The following LCORL variants were observed in gnomAD, a reference collection of about 807,000 sequenced individuals.
LCORL encodes the protein ligand-dependent nuclear receptor corepressor-like protein.
In LCORL, 41 loss-of-function variants were observed where a neutral mutation model predicts 141.8. The ratio of observed to expected loss-of-function variants is 0.29; its 90% confidence interval spans 0.23 to 0.38. The LOEUF is 0.38. Among genes scored for constraint, LCORL ranks in the 10% least tolerant of loss-of-function variants. The probability of loss-of-function intolerance (pLI) is 1.00; values close to 1 mark genes in which losing one functional copy is unlikely to be tolerated. For missense variants in LCORL, 1,759 were observed against 2,035.0 expected, an observed-to-expected ratio of 0.86 and a Z score of 2.61; for synonymous variants, 618 against 694.1, an observed-to-expected ratio of 0.89 and a Z score of 1.72.
At chr4:18,013,900 C>A (rs995316638) in intron 1 of LCORL, among the ~76,000 whole-genome samples, 1 of 151,960 alleles carries the variant, frequency 6.6e-6, no homozygotes, top group Non-Finnish European at 1.5e-5. Flanking sequence ...CTCCGCCTCC[C>A]GGGTTCAAGC....
intron 1 of LCORL, among the ~76,000 whole-genome samples, chr4:17,978,101 G>A (rs929207998): frequency 6.6e-6 from 1 of 151,984 alleles, no homozygotes; most frequent in African/African-American, 2.4e-5. Flanking sequence ...TTGCAATTTC[G>A]ATCATCAATT....
chr4:17,874,106 TAA>T lies in LCORL; in HGVS notation c.4882_4883del (p.Leu1628LysfsTer11). Reference sequence around the variant, plus strand: ...AAAATTGGTTCTGGCAGAAAAATCTTAAGTTTCTCCTTTTAGAGTTCCAGTCA... The same window carrying T: ...AAAATTGGTTCTGGCAGAAAAATCTTGTTTCTCCTTTTAGAGTTCCAGTCA... On this transcript the variant is annotated frameshift_variant, in exon 7 of 8. Transcript: ENST00000635767. LOFTEE classifies it high-confidence loss of function. The T allele has an allele frequency of 8.2e-7, 1 of 1,221,154 alleles. No homozygotes were observed. Among genetic ancestry groups the T allele is most frequent in the East Asian group, 3.3e-5 (1 of 30,482 alleles). The allele number at this position is 1,221,154 out of a possible 1,614,324, so 75.6% of individuals were successfully genotyped here.
At chr4:17,946,947 T>C (rs926978842) in intron 4 of LCORL, among the ~76,000 whole-genome samples, 1 of 152,020 alleles carries the variant, frequency 6.6e-6, no homozygotes, top group African/African-American at 2.4e-5. Context: ...GAAAACTGGA[T>C]GGAAGTTCCT....
At chr4:17,978,725 G>C (rs1448624966) in intron 1 of LCORL, among the ~76,000 whole-genome samples, 3 of 152,054 alleles carry the variant, frequency 2.0e-5, no homozygotes, top group Non-Finnish European at 4.4e-5. Context: ...TCCCAAAGGT[G>C]TTATTTGTCA....
chr4:17,956,355 TC>T (rs1173962056), intron 4 of LCORL, among the ~76,000 whole-genome samples: 1 of 152,116 alleles, frequency 6.6e-6, no homozygotes, highest in Non-Finnish European at 1.5e-5. Context: ...GATACCTGCA[TC>T]CCCATGTTTA....
intron 7 of LCORL, among the ~76,000 whole-genome samples, chr4:17,860,569 C>T (rs1454645237): frequency 6.6e-6 from 1 of 152,136 alleles, no homozygotes; most frequent in East Asian, 1.9e-4. Context: ...TCATTTTGCT[C>T]CTGGTCCCTC....
intron 4 of LCORL, among the ~76,000 whole-genome samples, chr4:17,918,694 G>T (rs2109363062): frequency 6.6e-6 from 1 of 152,296 alleles, no homozygotes; most frequent in African/African-American, 2.4e-5. Flanking sequence ...AAACAAGTAG[G>T]TGAACAGAGC....
chr4:17,911,282 T>TGGCA (rs1382805015), intron 4 of LCORL, among the ~76,000 whole-genome samples: 1 of 142,386 alleles, frequency 7.0e-6, no homozygotes, highest in Non-Finnish European at 1.5e-5. Flanking sequence ...AATCACCAAA[T>TGGCA]GGCAAATAAG....
At chr4:18,006,046 T>G (rs1222454147) in intron 1 of LCORL, among the ~76,000 whole-genome samples, 1 of 152,210 alleles carries the variant, frequency 6.6e-6, no homozygotes, top group African/African-American at 2.4e-5. Flanking sequence ...TTTTATGCTC[T>G]GTTTCCCTTT....
intron 1 of LCORL, among the ~76,000 whole-genome samples, chr4:18,018,715 ACT>A (rs1239318478): frequency 3.3e-5 from 5 of 152,188 alleles, no homozygotes; most frequent in African/African-American, 1.2e-4. Flanking sequence ...GGGGCTCAAT[ACT>A]AATTTGCTGT....
At chr4:17,863,113 C>T (rs1456414925) in intron 7 of LCORL, among the ~76,000 whole-genome samples, 3 of 152,214 alleles carry the variant, frequency 2.0e-5, no homozygotes, top group Non-Finnish European at 2.9e-5. Flanking sequence ...GTCAGGAGTT[C>T]GAGACCAGCC....
At chr4:17,971,332 T>C (rs541670202) in intron 2 of LCORL, among the ~76,000 whole-genome samples, 1 of 152,104 alleles carries the variant, frequency 6.6e-6, no homozygotes, top group Admixed American at 6.6e-5. Flanking sequence ...CTGCACTTGC[T>C]TTTCTTCAGT....
chr4:17,931,677 G>T (rs1191193034), intron 4 of LCORL, among the ~76,000 whole-genome samples: 1 of 151,824 alleles, frequency 6.6e-6, no homozygotes, highest in African/African-American at 2.4e-5. Context: ...AATGCTTTTT[G>T]TATTGTTTCT....
At chr4:17,958,710 C>A (rs1560405000) in intron 4 of LCORL, among the ~76,000 whole-genome samples, 1 of 151,824 alleles carries the variant, frequency 6.6e-6, no homozygotes, top group Non-Finnish European at 1.5e-5. Flanking sequence ...CTAATACTAC[C>A]GAATATTCTG....
intron 7 of LCORL, among the ~76,000 whole-genome samples, chr4:17,858,946 T>G (rs962176623): frequency 6.6e-5 from 10 of 152,024 alleles, no homozygotes; most frequent in Non-Finnish European, 1.2e-4. Flanking sequence ...GGAGCAAATA[T>G]AAGAATGCCA....
intron 4 of LCORL, among the ~76,000 whole-genome samples, chr4:17,940,198 A>T (rs1737700091): frequency 6.8e-6 from 1 of 147,932 alleles, no homozygotes; most frequent in Non-Finnish European, 1.5e-5. Context: ...ACACACACAC[A>T]CATATACAGG....
intron 4 of LCORL, among the ~76,000 whole-genome samples, chr4:17,940,080 T>C (rs1202778583): frequency 7.3e-6 from 1 of 136,180 alleles, no homozygotes; most frequent in Non-Finnish European, 1.5e-5. Flanking sequence ...TATGCATATA[T>C]ACTATATATA....
At chr4:17,879,950 G>C (rs985153709) in intron 6 of LCORL, among the ~76,000 whole-genome samples, 25 of 151,080 alleles carry the variant, frequency 1.7e-4, no homozygotes, top group African/African-American at 6.0e-4. Flanking sequence ...CTAATGACTA[G>C]TGTTAAGTAT....
chr4:17,940,424 T>C (rs931132655), intron 4 of LCORL, among the ~76,000 whole-genome samples: 9 of 148,064 alleles, frequency 6.1e-5, no homozygotes, highest in African/African-American at 2.0e-4. Flanking sequence ...AAAATAGTTT[T>C]ATATTACTAT....
Sources: allele counts gnomAD v4.1 joint callset (sites outside exome capture counted in the v4.1 genomes callset), GRCh38; gene constraint gnomAD v4.1.1; transcripts MANE v1.5; gene names NCBI Gene and HGNC (gene_info 2026-07-23, HGNC 2026-07-21).